Variants in CDH4 observed in about 807,000 individuals in gnomAD.
CDH4 encodes cadherin 4.
Under a neutral mutation model 86.0 loss-of-function variants are expected in CDH4, and 33 were observed. The observed-to-expected ratio is 0.38, with a 90% CI of 0.29 to 0.51. The LOEUF (loss-of-function observed/expected upper bound fraction) is 0.51, where lower values mean the gene tolerates loss of function less well. Ranked by LOEUF, CDH4 falls within the 20% of genes least tolerant of loss-of-function variation. The probability of loss-of-function intolerance (pLI) is 0.86; values close to 1 mark genes in which losing one functional copy is unlikely to be tolerated. For missense variants in CDH4, 1,114 were observed against 1,307.4 expected (o/e 0.85, Z 2.28); for synonymous variants, 555 against 549.4 (o/e 1.01, Z -0.14).
intron 2 of CDH4, among the ~76,000 whole-genome samples, chr20:61,498,988 G>T (rs1199029031): frequency 6.6e-6 from 1 of 152,176 alleles, no homozygotes; most frequent in Non-Finnish European, 1.5e-5. Flanking sequence ...AACCCCACGT[G>T]TCCTGAGCCT....
chr20:61,884,060 G>A (rs1430324856), intron 7 of CDH4, among the ~76,000 whole-genome samples: 2 of 151,576 alleles, frequency 1.3e-5, no homozygotes, highest in East Asian at 1.9e-4. Flanking sequence ...CTCGCTGCCT[G>A]GAACTGGGAA....
chr20:61,464,197 G>A (rs986369633), intron 2 of CDH4, among the ~76,000 whole-genome samples: 1 of 152,168 alleles, frequency 6.6e-6, no homozygotes, highest in Non-Finnish European at 1.5e-5. Context: ...GGTGCTGGGG[G>A]CTGGGCAAAC....
intron 2 of CDH4, among the ~76,000 whole-genome samples, chr20:61,733,482 C>T (rs1460480716): frequency 6.6e-6 from 1 of 152,150 alleles, no homozygotes; most frequent in Non-Finnish European, 1.5e-5. Flanking sequence ...TCCTCCCCCA[C>T]AGACCCTCTG....
chr20:61,930,723 C>T (rs935514455), intron 13 of CDH4, among the ~76,000 whole-genome samples: 2 of 152,192 alleles, frequency 1.3e-5, no homozygotes, highest in African/African-American at 2.4e-5. Flanking sequence ...CTTGAAAAGC[C>T]GGTTTTCATT....
At chr20:61,854,876 T>A (rs1192431378) in intron 6 of CDH4, among the ~76,000 whole-genome samples, 2 of 121,002 alleles carry the variant, frequency 1.7e-5, no homozygotes, top group South Asian at 2.9e-4. Context: ...GCCCTTAGCC[T>A]GCCCCAGGGC....
At chr20:61,349,722 C>T (rs960837296) in intron 2 of CDH4, among the ~76,000 whole-genome samples, 5 of 152,186 alleles carry the variant, frequency 3.3e-5, no homozygotes, top group Admixed American at 2.6e-4. Context: ...CACAGTCCCT[C>T]GTGGAGACGG....
chr20:61,693,287 T>TC (rs35341353), intron 2 of CDH4, among the ~76,000 whole-genome samples: 31,477 of 152,186 alleles, frequency 0.21, 3,428 homozygotes, highest in Admixed American at 0.27. Flanking sequence ...CTGTGCTGCC[T>TC]CCTGGTCTCC....
chr20:61,287,280 A>G (rs1366058461), intron 2 of CDH4, among the ~76,000 whole-genome samples: 1 of 152,146 alleles, frequency 6.6e-6, no homozygotes. Context: ...ACTCATGGCC[A>G]GCTTGGGCAA....
At chr20:61,767,141 G>A (rs761613123) in intron 3 of CDH4, among the ~76,000 whole-genome samples, 1 of 152,142 alleles carries the variant, frequency 6.6e-6, no homozygotes, top group Non-Finnish European at 1.5e-5. Flanking sequence ...GGCCCGTGCA[G>A]GACTCAGGAA....
intron 2 of CDH4, among the ~76,000 whole-genome samples, chr20:61,741,617 G>A (rs146734680): frequency 2.2e-3 from 334 of 151,918 alleles, no homozygotes; most frequent in African/African-American, 7.5e-3. Context: ...TCAGCCTCCC[G>A]AGTAGCTGGG....
chr20:61,451,892 C>T (rs574872846), intron 2 of CDH4, among the ~76,000 whole-genome samples: 120 of 152,320 alleles, frequency 7.9e-4, no homozygotes, highest in Middle Eastern at 6.8e-3. Context: ...CATGCCTAGG[C>T]ACTTAGATGA....
intron 2 of CDH4, among the ~76,000 whole-genome samples, chr20:61,695,078 G>A (rs1354871618): frequency 6.6e-6 from 1 of 152,228 alleles, no homozygotes; most frequent in Non-Finnish European, 1.5e-5. Flanking sequence ...TGCATAGAAG[G>A]ATCAAAACAG....
intron 2 of CDH4, among the ~76,000 whole-genome samples, chr20:61,742,667 G>A (rs181507920): frequency 1.3e-3 from 191 of 152,270 alleles, no homozygotes; most frequent in African/African-American, 4.1e-3. Flanking sequence ...TGGGTGCGTC[G>A]TAATTTACCA....
intron 2 of CDH4, among the ~76,000 whole-genome samples, chr20:61,475,172 A>G (rs1194807334): frequency 6.6e-6 from 1 of 152,066 alleles, no homozygotes; most frequent in Non-Finnish European, 1.5e-5. Flanking sequence ...TTTTCCCCAT[A>G]ATTACTCTGA....
intron 2 of CDH4, among the ~76,000 whole-genome samples, chr20:61,688,180 C>T (rs1009813164): frequency 1.3e-5 from 2 of 152,028 alleles, no homozygotes; most frequent in Non-Finnish European, 2.9e-5. Flanking sequence ...TTAGGGGTGA[C>T]GTCGTGACCA....
chr20:61,300,482 C>G (rs2084380288), intron 2 of CDH4, among the ~76,000 whole-genome samples: 1 of 152,162 alleles, frequency 6.6e-6, no homozygotes, highest in Non-Finnish European at 1.5e-5. Flanking sequence ...CCAGCTCTCC[C>G]TGGGCACAGG....
intron 2 of CDH4, among the ~76,000 whole-genome samples, chr20:61,560,232 G>A (rs940334414): frequency 1.4e-4 from 21 of 152,240 alleles, no homozygotes; most frequent in South Asian, 4.2e-4. Context: ...CAAGGCCCGG[G>A]TAGCAGATTT....
rs976740111 is a variant in CDH4 at position 61,544,267 on chromosome 20, C to T, written c.170-199296C>T. Among the ~76,000 whole-genome samples, 15 of 152,104 alleles carry T rather than the reference C, an allele frequency of 9.9e-5. No individual in the cohort carries two copies. Among genetic ancestry groups the T allele is most frequent in the African/African-American group, 3.4e-4 (14 of 41,416 alleles). Reference sequence around the variant, plus strand: ...TATGTATATGGCGGGGTACGGCTGACATCGAGCGGGTGGAGGCTGGGTACG... The same window carrying T: ...TATGTATATGGCGGGGTACGGCTGATATCGAGCGGGTGGAGGCTGGGTACG... On this transcript the variant is annotated intron_variant, in intron 2 of 15. Transcript: ENST00000614565. The surrounding 1 kb of genome is among the most constrained non-coding windows in gnomAD (Gnocchi z 6.5).
chr20:61,780,428 C>T (rs1266206772), intron 4 of CDH4, among the ~76,000 whole-genome samples: 3 of 152,142 alleles, frequency 2.0e-5, no homozygotes, highest in African/African-American at 7.2e-5. Context: ...ACTGTTTCGT[C>T]GGTAATTATT....
Sources: allele counts gnomAD v4.1 joint callset (sites outside exome capture counted in the v4.1 genomes callset), GRCh38; gene constraint gnomAD v4.1.1; non-coding constraint Gnocchi (gnomAD v3.1); transcripts MANE v1.5; gene names NCBI Gene and HGNC (gene_info 2026-07-23, HGNC 2026-07-21).